TMEM117: variants seen among roughly 807,000 people sequenced by gnomAD.
TMEM117 encodes the protein transmembrane protein 117.
TMEM117 carries 27 observed loss-of-function variants against 52.4 expected under a neutral mutation model. The ratio of observed to expected loss-of-function variants is 0.51; its 90% CI spans 0.38 to 0.71. The LOEUF (loss-of-function observed/expected upper bound fraction) is 0.71. Among genes scored for constraint, TMEM117 ranks in the 30% least tolerant of loss-of-function variants. TMEM117 has a pLI of 0.00. For synonymous variants in TMEM117, 215 were observed against 206.3 expected (o/e 1.04, Z -0.36); for missense variants, 556 against 630.5 (o/e 0.88, Z 1.26).
At position 43,912,507 on chromosome 12, in the gene TMEM117, T is replaced by TTATATATATATATATATATATATATATA. The variant is rs56170922; in HGVS notation, c.278-31701_278-31674dup. 3.7e-4 allele frequency among the ~76,000 whole-genome samples: 49 copies of TTATATATATATATATATATATATATATA among 132,056 alleles called. 3 individuals carry two copies. The highest frequency in any genetic ancestry group is 1.4e-3 in the African/African-American group (35 of 25,004). 86.6% of individuals were successfully genotyped at this position (132,056 alleles called of 152,430 possible). A position where few individuals can be genotyped will look rare whatever the true frequency, so the allele number is the denominator to read the frequency against. ...AAACTTAAAGTATAATAATAATAAT[T>TTATATATATATATATATATATATATATA]TATATATATATATATATATATATAT... On this transcript the variant is annotated intron_variant, in intron 2 of 7. Coordinates refer to ENST00000266534, the MANE Select transcript of TMEM117 (RefSeq NM_032256.3).
chr12:44,136,904 A>C (rs1265128330), intron 3 of TMEM117, among the ~76,000 whole-genome samples: 2 of 152,126 alleles, frequency 1.3e-5, no homozygotes, highest in African/African-American at 4.8e-5. Flanking sequence ...ATTACATGGC[A>C]CACAATTTGT....
intron 5 of TMEM117, among the ~76,000 whole-genome samples, chr12:44,219,563 C>T (rs1017684365): frequency 2.0e-5 from 3 of 152,026 alleles, no homozygotes; most frequent in African/African-American, 7.2e-5. Flanking sequence ...TATAAAAAGC[C>T]AGTTGCTGTT....
intron 7 of TMEM117, among the ~76,000 whole-genome samples, chr12:44,382,664 C>G (rs1952036868): frequency 6.6e-6 from 1 of 152,174 alleles, no homozygotes; most frequent in Non-Finnish European, 1.5e-5. Context: ...CCTACCTGTA[C>G]TCGTCACATT....
intron 6 of TMEM117, among the ~76,000 whole-genome samples, chr12:44,374,708 C>T (rs1391676902): frequency 6.6e-6 from 1 of 150,956 alleles, no homozygotes; most frequent in Non-Finnish European, 1.5e-5. Flanking sequence ...CTAGAGATTG[C>T]TTTCAAACTA....
intron 6 of TMEM117, among the ~76,000 whole-genome samples, chr12:44,318,662 G>T (rs1165034523): frequency 6.6e-6 from 1 of 152,094 alleles, no homozygotes; most frequent in Non-Finnish European, 1.5e-5. Flanking sequence ...ATCTGCCAGG[G>T]TATGGAGCAG....
chr12:44,135,032 C>T (rs1245876937), intron 3 of TMEM117, among the ~76,000 whole-genome samples: 1 of 152,166 alleles, frequency 6.6e-6, no homozygotes, highest in Non-Finnish European at 1.5e-5. Context: ...CCCTCTCACT[C>T]TCTGCCACTC....
At chr12:43,994,160 A>G (rs1032084366) in intron 3 of TMEM117, among the ~76,000 whole-genome samples, 1 of 152,210 alleles carries the variant, frequency 6.6e-6, no homozygotes, top group Non-Finnish European at 1.5e-5. Context: ...CAAATTTCAT[A>G]CTTGCAACTT....
At chr12:43,895,094 T>C (rs1017941371) in intron 2 of TMEM117, among the ~76,000 whole-genome samples, 1 of 152,200 alleles carries the variant, frequency 6.6e-6, no homozygotes, top group Non-Finnish European at 1.5e-5. Flanking sequence ...TCATCACCCA[T>C]TATTAAGCCT....
intron 2 of TMEM117, among the ~76,000 whole-genome samples, chr12:43,859,774 A>T (rs892799100): frequency 2.6e-5 from 4 of 152,218 alleles, no homozygotes; most frequent in Non-Finnish European, 5.9e-5. Flanking sequence ...TCTATTCTAA[A>T]TAACATCATT....
At chr12:44,143,707 T>C in intron 4 of TMEM117, 83 bp downstream of exon 4, 1 of 950,454 alleles carries the variant, frequency 1.1e-6, no homozygotes, top group Middle Eastern at 2.2e-4. Flanking sequence ...CTTTTGATGA[T>C]GTAGAGTAAA....
At chr12:44,237,728 A>G (rs1015933626) in intron 5 of TMEM117, among the ~76,000 whole-genome samples, 1 of 152,208 alleles carries the variant, frequency 6.6e-6, no homozygotes, top group Non-Finnish European at 1.5e-5. Context: ...ATTAAAAAAA[A>G]AACAAAACTG....
intron 3 of TMEM117, among the ~76,000 whole-genome samples, chr12:44,090,232 C>T (rs951607310): frequency 6.6e-6 from 1 of 151,788 alleles, no homozygotes; most frequent in South Asian, 2.1e-4. Flanking sequence ...AGGATTGTTA[C>T]GTGTGTGATG....
At chr12:44,140,285 T>C (rs1948552634) in intron 3 of TMEM117, among the ~76,000 whole-genome samples, 1 of 152,148 alleles carries the variant, frequency 6.6e-6, no homozygotes, top group East Asian at 1.9e-4. Flanking sequence ...TTAGAAGTTT[T>C]TAATATCTTC....
the TMEM117 span, among the ~76,000 whole-genome samples, chr12:43,823,734 G>A: frequency 6.6e-6 from 1 of 151,748 alleles, no homozygotes; most frequent in Non-Finnish European, 1.5e-5. Context: ...GGATGGTCTC[G>A]ATCTGTTGAC....
intron 2 of TMEM117, among the ~76,000 whole-genome samples, chr12:43,929,685 C>A (rs981678697): frequency 7.2e-5 from 11 of 152,110 alleles, no homozygotes; most frequent in African/African-American, 2.7e-4. Flanking sequence ...TACATTCACA[C>A]AATCACTGTT....
intron 5 of TMEM117, among the ~76,000 whole-genome samples, chr12:44,224,673 G>A (rs1527316): frequency 0.11 from 16,099 of 151,964 alleles, 940 homozygotes; most frequent in Middle Eastern, 0.2. Flanking sequence ...AAACTCTATC[G>A]CCATGTAAGT....
At chr12:44,212,577 C>A (rs1437104371) in intron 5 of TMEM117, among the ~76,000 whole-genome samples, 2 of 151,914 alleles carry the variant, frequency 1.3e-5, no homozygotes, top group Non-Finnish European at 2.9e-5. Flanking sequence ...TCTGTCCCTG[C>A]AATTGTAAAG....
chr12:44,324,381 A>G (rs914283878), intron 6 of TMEM117, among the ~76,000 whole-genome samples: 1 of 152,102 alleles, frequency 6.6e-6, no homozygotes, highest in Non-Finnish European at 1.5e-5. Context: ...GCACTAAATT[A>G]TAGTTAATCC....
intron 6 of TMEM117, among the ~76,000 whole-genome samples, chr12:44,333,496 G>A (rs10082784): frequency 0.52 from 79,530 of 151,710 alleles, 21,399 homozygotes; most frequent in East Asian, 0.9. Flanking sequence ...GATCATGGAG[G>A]CAGTTACCCC....
Sources: allele counts gnomAD v4.1 joint callset (sites outside exome capture counted in the v4.1 genomes callset), GRCh38; gene constraint gnomAD v4.1.1; transcripts MANE v1.5; gene names NCBI Gene and HGNC (gene_info 2026-07-23, HGNC 2026-07-21).